Variants in AP3S2 observed in about 807,000 individuals in gnomAD.
AP3S2 encodes adaptor related protein complex 3 subunit sigma 2.
AP3S2 carries 22 observed loss-of-function variants against 23.4 expected under a neutral mutation model. The observed-to-expected ratio is 0.94, with a 90% confidence interval of 0.67 to 1.34. AP3S2 has a LOEUF of 1.34. Ranked by LOEUF, AP3S2 falls within the 40% of genes most tolerant of loss-of-function variation. AP3S2 has a pLI of 0.00. For synonymous variants in AP3S2, 86 were observed against 87.1 expected (o/e 0.99, Z 0.07); for missense variants, 241 against 236.9 (o/e 1.02, Z -0.11).
chr15:89,874,204 T>G (rs78081827), intron 3 of AP3S2, among the ~76,000 whole-genome samples: 1 of 152,146 alleles, frequency 6.6e-6, no homozygotes, highest in East Asian at 1.9e-4. Context: ...TTTGTTCATT[T>G]TATCTCCTTC....
chr15:89,857,922 A>G lies in AP3S2; in HGVS notation c.345+13553T>C, dbSNP rs1202619862. 2.0e-5 allele frequency among the ~76,000 whole-genome samples: 3 copies of G among 152,194 alleles called. No individual in the cohort carries two copies. The East Asian group carries it at 5.8e-4, about 29-fold the overall frequency. The stretch of plus-strand genomic sequence containing the variant: ...AGGATGTGTCACTTCAAGAGCCGGA[A>G]CACACACATGCCCAGGTAGAAGCAT... On this transcript the variant is annotated intron_variant, in intron 4 of 5. Coordinates refer to ENST00000336418, the MANE Select transcript of AP3S2 (RefSeq NM_005829.5).
chr15:89,892,625 A>T (rs1373032320), intron 1 of AP3S2, among the ~76,000 whole-genome samples: 1 of 152,152 alleles, frequency 6.6e-6, no homozygotes, highest in Non-Finnish European at 1.5e-5. Flanking sequence ...AAATACAAAT[A>T]GTTACGCTGA....
At chr15:89,842,403 T>G (rs1182225468) in intron 4 of AP3S2, among the ~76,000 whole-genome samples, 1 of 152,232 alleles carries the variant, frequency 6.6e-6, no homozygotes, top group African/African-American at 2.4e-5. Context: ...GGTCACACTG[T>G]ATCCCAGGGG....
intron 4 of AP3S2, among the ~76,000 whole-genome samples, chr15:89,858,409 C>G (rs998273628): frequency 5.3e-5 from 8 of 150,892 alleles, no homozygotes; most frequent in Non-Finnish European, 1.0e-4. Context: ...TCATTGCACT[C>G]CAACCTGGGC....
intron 4 of AP3S2, among the ~76,000 whole-genome samples, chr15:89,869,567 TAAAAAAA>T (rs527600193): frequency 1.6e-5 from 2 of 123,438 alleles, no homozygotes; most frequent in Non-Finnish European, 3.4e-5. Context: ...GAATTATCAA[TAAAAAAA>T]AAAAAAAAAA....
intron 3 of AP3S2, among the ~76,000 whole-genome samples, chr15:89,884,716 C>T (rs1032647172): frequency 1.1e-4 from 16 of 151,068 alleles, no homozygotes; most frequent in Admixed American, 3.3e-4. Context: ...GGCGCAATCT[C>T]GGCTCACTGC....
chr15:89,857,287 GCTT>G (rs1178368344), intron 4 of AP3S2, among the ~76,000 whole-genome samples: 1 of 152,118 alleles, frequency 6.6e-6, no homozygotes, highest in Non-Finnish European at 1.5e-5. Flanking sequence ...TAGTTTATGA[GCTT>G]CTTACAGGTA....
chr15:89,868,376 T>G (rs1896211484), intron 4 of AP3S2, among the ~76,000 whole-genome samples: 1 of 52,088 alleles, frequency 1.9e-5, no homozygotes, highest in African/African-American at 6.5e-5. Context: ...AGCCGCCCTG[T>G]CCGGGAGGGA....
intron 4 of AP3S2, among the ~76,000 whole-genome samples, chr15:89,844,225 T>C (rs7165193): frequency 7.9e-4 from 29 of 36,552 alleles, no homozygotes; most frequent in African/African-American, 2.9e-3. Flanking sequence ...CTTTCTTTCT[T>C]TCTTTCTTTC....
At chr15:89,838,545 G>A (rs894101691) in intron 4 of AP3S2, among the ~76,000 whole-genome samples, 2 of 152,188 alleles carry the variant, frequency 1.3e-5, no homozygotes. Flanking sequence ...AGCCCTGGGT[G>A]GGTCAAAGCA....
At chr15:89,866,892 G>C (rs1896137170) in intron 4 of AP3S2, among the ~76,000 whole-genome samples, 1 of 152,086 alleles carries the variant, frequency 6.6e-6, no homozygotes. Context: ...AGCATTGGAG[G>C]AGGTGGGTGA....
At position 89,863,425 on chromosome 15, in the gene AP3S2, C is replaced by T. The variant is rs185975591; in HGVS notation, c.345+8050G>A. Reference sequence around the variant, plus strand: ...GACACAGAAGAACAAACACTAAGGACACCTTAGAGACCAGTGCAAGAAGTG... The same window carrying T: ...GACACAGAAGAACAAACACTAAGGATACCTTAGAGACCAGTGCAAGAAGTG... On this transcript the variant is annotated intron_variant, in intron 4 of 5. Transcript: ENST00000336418. Among the ~76,000 whole-genome samples, 309 of 152,090 alleles carry T rather than the reference C, an allele frequency of 2.0e-3. 1 individual carries two copies. Among genetic ancestry groups the T allele is most frequent in the Non-Finnish European group, 1.7e-3 (117 of 67,984 alleles).
intron 3 of AP3S2, among the ~76,000 whole-genome samples, chr15:89,886,260 G>A (rs866124590): frequency 3.3e-5 from 5 of 152,222 alleles, no homozygotes; most frequent in Middle Eastern, 3.4e-3. Context: ...CAGGAGAATC[G>A]CTTGAACCAG....
chr15:89,886,856 A>G (rs982077399), intron 3 of AP3S2, among the ~76,000 whole-genome samples: 1 of 151,910 alleles, frequency 6.6e-6, no homozygotes, highest in African/African-American at 2.4e-5. Flanking sequence ...GTGGAGTGGC[A>G]CAATCTTGGC....
intron 3 of AP3S2, among the ~76,000 whole-genome samples, chr15:89,875,495 T>C (rs1487673931): frequency 6.6e-6 from 1 of 152,210 alleles, no homozygotes; most frequent in Non-Finnish European, 1.5e-5. Context: ...GCAAAGAGGC[T>C]GAACTGAAGA....
chr15:89,871,696 G>A, intron 3 of AP3S2, 150 bp from the exon 4 acceptor site: 1 of 767,624 alleles, frequency 1.3e-6, no homozygotes, highest in Non-Finnish European at 2.0e-6. Context: ...TTTGTCTCCA[G>A]CATTAGCTGA....
At chr15:89,893,071 G>A (rs1896856273) in intron 1 of AP3S2, 1 of 152,146 alleles carries the variant, frequency 6.6e-6, no homozygotes, top group Admixed American at 6.5e-5. Flanking sequence ...ATTGACAAAA[G>A]ACAATAAAAG....
At position 89,843,054 on chromosome 15, in the gene AP3S2, C is replaced by T. The variant is rs142086808; in HGVS notation, c.346-5332G>A. ...GACTGGAGTGCAATGGCGCGATCTC[C>T]GCTCACCACAACCTCTGCCTCCCCG... On this transcript the variant is annotated intron_variant, in intron 4 of 5. Coordinates refer to ENST00000336418, the MANE Select transcript of AP3S2 (RefSeq NM_005829.5). Among the ~76,000 whole-genome samples the T allele has an allele frequency of 4.5e-3, 678 of 151,806 alleles. 6 individuals are homozygous for T. The highest frequency in any genetic ancestry group is 0.015 in the African/African-American group (612 of 41,384).
intron 3 of AP3S2, among the ~76,000 whole-genome samples, chr15:89,875,016 T>C (rs1290757190): frequency 6.6e-6 from 1 of 152,192 alleles, no homozygotes; most frequent in Non-Finnish European, 1.5e-5. Flanking sequence ...ATCTAACAGA[T>C]ATTAATGAGC....
Sources: allele counts gnomAD v4.1 joint callset (sites outside exome capture counted in the v4.1 genomes callset), GRCh38; gene constraint gnomAD v4.1.1; transcripts MANE v1.5; gene names NCBI Gene and HGNC (gene_info 2026-07-23, HGNC 2026-07-21).